Variants in GBF1 observed in about 807,000 individuals in gnomAD.
The protein encoded by GBF1 is Golgi-specific brefeldin A-resistance guanine nucleotide exchange factor 1.
A neutral mutation model predicts 210.5 loss-of-function variants in GBF1; 114 were observed. The ratio of observed to expected loss-of-function variants is 0.54; its 90% CI spans 0.47 to 0.63. GBF1 has a LOEUF of 0.63. Among genes scored for constraint, GBF1 ranks in the 30% least tolerant of loss-of-function variants. The probability of loss-of-function intolerance (pLI) is 0.00; values close to 1 mark genes in which losing one functional copy is unlikely to be tolerated. For missense variants in GBF1, 1,851 were observed against 2,357.7 expected (o/e 0.79, Z 4.45); for synonymous variants, 850 against 889.2 (o/e 0.96, Z 0.78).
In GBF1 at chr10:102,376,299, C is replaced by T. The variant is rs1405685542; in HGVS notation, c.3914C>T (p.Ser1305Phe). The change falls in exon 31 of 40, where the codon TCC becomes TTC. Residue 1305 changes from serine (S) to phenylalanine (F), a missense_variant. By Grantham distance (155) the Ser-to-Phe change is radical. Transcript: ENST00000369983. Reference sequence around the variant, plus strand: ...GCCCAGTCAGATAGTGAGCTCCCATCCTACCATCAGAATGACGTGAGCCTG... The same window carrying T: ...GCCCAGTCAGATAGTGAGCTCCCATTCTACCATCAGAATGACGTGAGCCTG... ...AGAQSDSELP[S>F]YHQNDVSLDR... 6.2e-7 allele frequency: 1 copy of T among 1,614,102 alleles called. No homozygotes were observed. Among genetic ancestry groups the T allele is most frequent in the Admixed American group, 1.7e-5 (1 of 60,018 alleles).
intron 3 of GBF1, among the ~76,000 whole-genome samples, chr10:102,292,322 A>G (rs2076513757): frequency 6.6e-6 from 1 of 152,176 alleles, no homozygotes; most frequent in Admixed American, 6.5e-5. Context: ...GATAAAAAAA[A>G]TAAGAAAATT....
intron 3 of GBF1, among the ~76,000 whole-genome samples, chr10:102,313,170 G>A (rs573795707): frequency 6.6e-6 from 1 of 152,168 alleles, no homozygotes; most frequent in East Asian, 1.9e-4. Flanking sequence ...GAAAGCTTTT[G>A]TGACTTGAAA....
chr10:102,232,390 T>A, the GBF1 span, among the ~76,000 whole-genome samples: 1 of 152,152 alleles, frequency 6.6e-6, no homozygotes, highest in African/African-American at 2.4e-5. Context: ...TTAATAAAAA[T>A]GTAGACTATA....
In GBF1 at chr10:102,362,394, A is replaced by T. The variant is rs1457470165; in HGVS notation, c.1687-81A>T. On this transcript the variant is annotated intron_variant, in intron 14 of 39. Transcript: ENST00000369983. ...CTAAGGGCAATGTACAAGTTAGAAG[A>T]AGTTTTGGAAATTTTAGAAAATGAT... is the stretch of plus-strand genomic sequence containing the variant. 5 of 1,028,674 alleles carry T rather than the reference A, an allele frequency of 4.9e-6. No individual in the cohort carries two copies. In the Admixed American group the frequency reaches 8.2e-5, roughly 17 times the overall value. 63.7% of individuals were successfully genotyped at this position (1,028,674 alleles called of 1,614,324 possible). A position where few individuals can be genotyped will look rare whatever the true frequency, so the allele number is the denominator to read the frequency against.
At chr10:102,308,383 C>T (rs2078109419) in intron 3 of GBF1, among the ~76,000 whole-genome samples, 1 of 151,940 alleles carries the variant, frequency 6.6e-6, no homozygotes, top group Admixed American at 6.6e-5. Context: ...CAATCCATAC[C>T]CAAAAGACTA....
chr10:102,231,536 G>A, the GBF1 span: 1 of 1,260,970 alleles, frequency 7.9e-7, no homozygotes, highest in East Asian at 2.5e-5. Context: ...CGGGTCGCAG[G>A]CTGAGCGCGG....
the GBF1 span, among the ~76,000 whole-genome samples, chr10:102,235,570 G>C: frequency 6.6e-6 from 1 of 152,152 alleles, no homozygotes; most frequent in Non-Finnish European, 1.5e-5. Context: ...ATAAGGTTTA[G>C]ATAAAAACAT....
intron 8 of GBF1, among the ~76,000 whole-genome samples, chr10:102,356,784 AAATG>A (rs978706222): frequency 1.3e-5 from 2 of 151,910 alleles, no homozygotes; most frequent in African/African-American, 4.8e-5. Flanking sequence ...AAAAAAAAAA[AAATG>A]GGGCCTAAAC....
rs1463934974 is a variant in GBF1 at position 102,380,513 on chromosome 10, C to T, written c.5000C>T (p.Ala1667Val). 1.9e-6 allele frequency: 3 copies of T among 1,611,728 alleles called. No individual in the cohort carries two copies. The highest frequency in any genetic ancestry group is 2.5e-6 in the Non-Finnish European group (3 of 1,178,500). The change falls in exon 38 of 40, where the codon GCG becomes GTG. Residue 1667 changes from alanine (A) to valine (V), a missense_variant. Ala to Val is a moderately conservative substitution (Grantham distance 64). Coordinates refer to ENST00000369983, the MANE Select transcript of GBF1 (RefSeq NM_001377137.1). The stretch of plus-strand genomic sequence containing the variant: ...TCCCACTGCCACCTGCAGTCAGAGG[C>T]GATCCCTGAGTCTCTGAAGAACATG... The part of the protein sequence containing the change: ...HAGSSDLLSE[A>V]IPESLKNMLL...
At chr10:102,291,940 A>C (rs1238269267) in intron 3 of GBF1, among the ~76,000 whole-genome samples, 1 of 138,042 alleles carries the variant, frequency 7.2e-6, no homozygotes, top group Non-Finnish European at 1.5e-5. Context: ...CCCAGGCTGG[A>C]GTGCAGTGGC....
At chr10:102,352,666 G>T in intron 7 of GBF1, 148 bp downstream of exon 7, 1 of 653,978 alleles carries the variant, frequency 1.5e-6, no homozygotes, top group East Asian at 2.7e-5. Flanking sequence ...TCTGGGCCCA[G>T]GGTTACTGAG....
At chr10:102,282,146 AGGATGGTCTCAATC>A (rs1185731058) in intron 3 of GBF1, among the ~76,000 whole-genome samples, 1 of 151,000 alleles carries the variant, frequency 6.6e-6, no homozygotes, top group African/African-American at 2.4e-5. Context: ...CGTGTTAGCC[AGGATGGTCTCAATC>A]TCCTGATCTT....
chr10:102,308,280 A>G (rs184134954), intron 3 of GBF1, among the ~76,000 whole-genome samples: 5 of 152,152 alleles, frequency 3.3e-5, no homozygotes, highest in Admixed American at 2.0e-4. Context: ...GAAAATTCTC[A>G]TAGTGGAATA....
chr10:102,381,228 G>A lies in GBF1; in HGVS notation c.5275G>A (p.Glu1759Lys). 1 of 1,613,984 alleles carries A rather than the reference G, an allele frequency of 6.2e-7. No individual in the cohort carries two copies. The highest frequency in any genetic ancestry group is 8.5e-7 in the Non-Finnish European group (1 of 1,180,002). ...GACACCTGGCCATCCACCGCCCCCA[G>A]AGATTCCATCTGAGCTGGGGGCCTG... Reference protein sequence around the residue: ...TRTPGHPPPPEIPSELGACDF... With the variant: ...TRTPGHPPPPKIPSELGACDF... Residue 1759 changes from glutamate (E) to lysine (K), a missense_variant, in exon 39 of 40, where the codon GAG becomes AAG. Transcript: ENST00000369983.
Position 102,315,203 on chromosome 10 carries a change from A to G in GBF1, c.164-28848A>G, listed in dbSNP as rs193296555. Among the ~76,000 whole-genome samples the G allele has an allele frequency of 9.1e-4, 138 of 152,268 alleles. 1 individual carries two copies. Among genetic ancestry groups the G allele is most frequent in the African/African-American group, 3.2e-3 (134 of 41,542 alleles). ...ACCAATTCAGAAACATCAGTTGAAGACTACTATGTTCATGGTCCTCTACTT... is the reference window on the plus strand; with the variant it reads ...ACCAATTCAGAAACATCAGTTGAAGGCTACTATGTTCATGGTCCTCTACTT... On this transcript the variant is annotated intron_variant, in intron 3 of 39. Coordinates refer to ENST00000369983, the MANE Select transcript of GBF1 (RefSeq NM_001377137.1).
the GBF1 span, among the ~76,000 whole-genome samples, chr10:102,236,300 G>A: frequency 6.6e-6 from 1 of 152,350 alleles, no homozygotes; most frequent in East Asian, 1.9e-4. Context: ...TCTGGAAGCC[G>A]CAGGATTGGT....
Position 102,258,913 on chromosome 10 carries a change from T to G in GBF1, c.-10-16T>G. ...ACCAAATATTAACCAGACTATTATC[T>G]TAACTGTTTTGGTAGGTTTGCCAAG... On this transcript the variant is annotated splice_polypyrimidine_tract_variant and intron_variant, in intron 1 of 39. Coordinates refer to ENST00000369983, the MANE Select transcript of GBF1 (RefSeq NM_001377137.1). 7 of 1,278,590 alleles carry G rather than the reference T, an allele frequency of 5.5e-6. No homozygotes were observed. Among genetic ancestry groups the G allele is most frequent in the Non-Finnish European group, 8.0e-6 (7 of 873,424 alleles). The allele number at this position is 1,278,590 out of a possible 1,614,324, so 79.2% of individuals were successfully genotyped here.
chr10:102,351,096 A>AG (rs2058940958), intron 4 of GBF1, among the ~76,000 whole-genome samples, 160 bp from the exon 5 acceptor site: 1 of 152,010 alleles, frequency 6.6e-6, no homozygotes, highest in African/African-American at 2.4e-5. Flanking sequence ...CAAAAAAAAA[A>AG]AAAAAAAATC....
At chr10:102,361,364 G>A (rs76046323) in intron 13 of GBF1, among the ~76,000 whole-genome samples, 1,859 of 152,264 alleles carry the variant, frequency 0.012, 32 homozygotes, top group African/African-American at 0.043. Flanking sequence ...CATGAATAGG[G>A]ACAGCTCTTC....
Sources: allele counts gnomAD v4.1 joint callset (sites outside exome capture counted in the v4.1 genomes callset), GRCh38; gene constraint gnomAD v4.1.1; transcripts MANE v1.5; gene names NCBI Gene and HGNC (gene_info 2026-07-23, HGNC 2026-07-21).